Variants in FGF12 observed in about 807,000 individuals in gnomAD.
The protein encoded by FGF12 is fibroblast growth factor 12B.
In FGF12, 14 loss-of-function variants were observed where a neutral mutation model predicts 23.6. The ratio of observed to expected loss-of-function variants is 0.59; its 90% CI spans 0.39 to 0.93. The LOEUF (loss-of-function observed/expected upper bound fraction) is 0.93. FGF12 is among the 40% of genes least tolerant of loss of function. FGF12 has a pLI of 0.00. For synonymous variants in FGF12, 62 were observed against 77.3 expected, an observed-to-expected ratio of 0.80 and a Z score of 1.04; for missense variants, 175 against 217.8, an observed-to-expected ratio of 0.80 and a Z score of 1.24.
chr3:192,438,017 CTT>C (rs1009709743), intron 2 of FGF12, among the ~76,000 whole-genome samples: 3 of 152,190 alleles, frequency 2.0e-5, no homozygotes, highest in East Asian at 1.9e-4. Flanking sequence ...ATGAATCCAA[CTT>C]TTTTCCTCGA....
intron 4 of FGF12, among the ~76,000 whole-genome samples, chr3:192,276,829 G>A (rs960248756): frequency 1.3e-5 from 2 of 152,158 alleles, no homozygotes; most frequent in African/African-American, 4.8e-5. Context: ...CCTTTCCAGA[G>A]AGGGTCCTCA....
chr3:192,428,835 A>G (rs1378803115), intron 2 of FGF12, among the ~76,000 whole-genome samples: 1 of 152,078 alleles, frequency 6.6e-6, no homozygotes, highest in East Asian at 1.9e-4. Flanking sequence ...TAGGCTTTGA[A>G]AGCTCTGTGA....
At chr3:192,515,845 T>TC (rs1553824364) in intron 2 of FGF12, among the ~76,000 whole-genome samples, 2 of 151,178 alleles carry the variant, frequency 1.3e-5, no homozygotes, top group Admixed American at 6.6e-5. Context: ...TTTTTTTTTT[T>TC]CTTTTCCTGA....
At chr3:192,532,610 T>G (rs1399894569) in intron 2 of FGF12, among the ~76,000 whole-genome samples, 1 of 152,178 alleles carries the variant, frequency 6.6e-6, no homozygotes, top group African/African-American at 2.4e-5. Context: ...TACCAAACTT[T>G]TGATGCTTGT....
chr3:192,421,820 A>T (rs1024966992), intron 2 of FGF12, among the ~76,000 whole-genome samples: 4 of 95,228 alleles, frequency 4.2e-5, no homozygotes, highest in African/African-American at 1.4e-4. Flanking sequence ...AAAGTATAAT[A>T]AAAAAAAAAA....
At chr3:192,387,166 T>C (rs1208904744) in intron 2 of FGF12, among the ~76,000 whole-genome samples, 2 of 152,188 alleles carry the variant, frequency 1.3e-5, no homozygotes, top group Non-Finnish European at 2.9e-5. Context: ...TATCAGTGAA[T>C]CACAATGTTC....
chr3:192,495,450 G>GATAT (rs5855428), intron 2 of FGF12, among the ~76,000 whole-genome samples: 1 of 151,630 alleles, frequency 6.6e-6, no homozygotes, highest in Admixed American at 6.6e-5. Context: ...TCACAACAAT[G>GATAT]ATATATATAA....
chr3:192,481,148 A>G (rs1049319873), intron 2 of FGF12, among the ~76,000 whole-genome samples: 25 of 152,208 alleles, frequency 1.6e-4, no homozygotes, highest in African/African-American at 5.8e-4. Context: ...AATACTGCAT[A>G]TAAGAGAAAT....
At chr3:192,158,332 C>CTTTCTTTCTTTCTCTTTCTTTCTT in intron 5 of FGF12, among the ~76,000 whole-genome samples, 1 of 112,446 alleles carries the variant, frequency 8.9e-6, no homozygotes, top group South Asian at 3.5e-4. Context: ...TTCTTTCTTT[C>CTTTCTTTCTTTCTCTTTCTTTCTT]TCTTTCTTTC....
intron 2 of FGF12, among the ~76,000 whole-genome samples, chr3:192,668,415 G>A (rs1441727151): frequency 6.6e-6 from 1 of 152,138 alleles, no homozygotes; most frequent in Non-Finnish European, 1.5e-5. Context: ...TGCCTAGTAG[G>A]AGAGTCTGAG....
chr3:192,365,728 C>T (rs1215206331), intron 2 of FGF12, among the ~76,000 whole-genome samples: 2 of 152,020 alleles, frequency 1.3e-5, no homozygotes, highest in Non-Finnish European at 2.9e-5. Context: ...ATGGCAATTT[C>T]AGCAGAACGT....
Position 192,403,553 on chromosome 3 carries a change from T to TA in FGF12, c.14-43016_14-43015insT, listed in dbSNP as rs964893687. 1.0e-3 allele frequency among the ~76,000 whole-genome samples: 153 copies of TA among 151,794 alleles called. 1 individual carries two copies. The highest frequency in any genetic ancestry group is 1.7e-3 in the Non-Finnish European group (115 of 67,840). On this transcript the variant is annotated intron_variant, in intron 2 of 5. Transcript: ENST00000445105. ...AAAAGTTAGGGGTCTTACTGTTTTT[T>TA]TTTTTTTAACAAAAATCAAGCCAAA... is the stretch of plus-strand genomic sequence containing the variant.
intron 5 of FGF12, among the ~76,000 whole-genome samples, chr3:192,148,135 AG>A (rs1713828325): frequency 6.6e-6 from 1 of 152,200 alleles, no homozygotes; most frequent in South Asian, 2.1e-4. Flanking sequence ...AAATGAAAGC[AG>A]GGACCCCAGC....
At chr3:192,648,827 C>T (rs182453038) in intron 2 of FGF12, among the ~76,000 whole-genome samples, 1 of 152,268 alleles carries the variant, frequency 6.6e-6, no homozygotes, top group East Asian at 1.9e-4. Flanking sequence ...CATTGAGTAA[C>T]AACTAAATAT....
intron 2 of FGF12, among the ~76,000 whole-genome samples, chr3:192,657,894 T>C (rs887572544): frequency 5.9e-5 from 9 of 152,266 alleles, no homozygotes; most frequent in East Asian, 5.8e-4. Flanking sequence ...AAGTAATAAG[T>C]GTGGCAAGAT....
chr3:192,321,238 A>G (rs1005127732), intron 4 of FGF12, among the ~76,000 whole-genome samples: 1 of 152,070 alleles, frequency 6.6e-6, no homozygotes, highest in African/African-American at 2.4e-5. Context: ...CATACAGCAT[A>G]CCATGATTGA....
intron 5 of FGF12, among the ~76,000 whole-genome samples, chr3:192,146,356 C>T (rs562936312): frequency 4.0e-5 from 6 of 150,008 alleles, no homozygotes; most frequent in South Asian, 2.1e-4. Context: ...CTGCAAACTC[C>T]GCCTCCCGGG....
intron 4 of FGF12, among the ~76,000 whole-genome samples, chr3:192,212,638 C>T (rs1457963885): frequency 2.0e-5 from 3 of 152,132 alleles, no homozygotes; most frequent in Non-Finnish European, 4.4e-5. Flanking sequence ...TCAAAGGTCA[C>T]ATTTAATATA....
intron 4 of FGF12, 25 bp from the exon 5 acceptor site, chr3:192,170,681 C>CAAAAAAGACACAAAAAAGACA (rs1715507283): frequency 6.5e-7 from 1 of 1,527,016 alleles, no homozygotes. Context: ...AAAAAAGACA[C>CAAAAAAGACACAAAAAAGACA]AAAAAAGAGA....
Sources: gnomAD v4.1 joint callset for allele counts (sites outside exome capture counted in the v4.1 genomes callset) on GRCh38, gnomAD v4.1.1 for gene constraint, MANE v1.5 for transcripts, NCBI Gene and HGNC (gene_info 2026-07-23, HGNC 2026-07-21) for gene names.